The following DGKB variants were observed in gnomAD, a reference collection of about 807,000 sequenced individuals.
The protein encoded by DGKB is diacylglycerol kinase beta.
A neutral mutation model predicts 114.3 loss-of-function variants in DGKB; 67 were observed. That is an observed-to-expected ratio of 0.59 (90% confidence interval 0.48 to 0.72). DGKB has a LOEUF of 0.72. Among genes scored for constraint, DGKB ranks in the 30% least tolerant of loss-of-function variants. The pLI, the probability that DGKB is intolerant of heterozygous loss-of-function variation, is 0.00. For missense variants in DGKB, 907 were observed against 975.2 expected (o/e 0.93, Z 0.93); for synonymous variants, 398 against 323.1 (o/e 1.23, Z -2.49).
chr7:14,574,615 C>A (rs987827195), intron 19 of DGKB, among the ~76,000 whole-genome samples: 1 of 152,132 alleles, frequency 6.6e-6, no homozygotes, highest in Admixed American at 6.5e-5. Context: ...TCAGCATATA[C>A]AACTGCCAAG....
intron 17 of DGKB, among the ~76,000 whole-genome samples, chr7:14,591,864 T>A (rs1300161256): frequency 2.0e-5 from 3 of 151,938 alleles, no homozygotes; most frequent in Non-Finnish European, 4.4e-5. Context: ...CACTTGTACC[T>A]AATTGTTATT....
chr7:14,566,597 T>G (rs906302605), intron 20 of DGKB, among the ~76,000 whole-genome samples: 11 of 152,306 alleles, frequency 7.2e-5, no homozygotes, highest in African/African-American at 2.6e-4. Flanking sequence ...TGATAATTAT[T>G]TAATTATTCA....
At chr7:14,181,217 A>G (rs950040572) in intron 23 of DGKB, among the ~76,000 whole-genome samples, 3 of 152,196 alleles carry the variant, frequency 2.0e-5, no homozygotes, top group African/African-American at 7.2e-5. Context: ...CATATGGTCG[A>G]CAAAGCTGAA....
chr7:14,912,666 G>C (rs1784055282), intron 1 of DGKB, among the ~76,000 whole-genome samples: 1 of 152,142 alleles, frequency 6.6e-6, no homozygotes, highest in African/African-American at 2.4e-5. Flanking sequence ...CAACAAAGTA[G>C]GACTAAGTGG....
chr7:14,244,483 C>T (rs1055485339), intron 23 of DGKB, among the ~76,000 whole-genome samples: 3 of 148,178 alleles, frequency 2.0e-5, no homozygotes, highest in Admixed American at 6.8e-5. Flanking sequence ...GGTGAAACCC[C>T]GTCTCTACTA....
intron 13 of DGKB, among the ~76,000 whole-genome samples, chr7:14,640,632 T>C (rs1460350919): frequency 2.0e-5 from 3 of 152,142 alleles, no homozygotes; most frequent in South Asian, 2.1e-4. Flanking sequence ...TGGGTTGAAC[T>C]AGGGAACAAA....
At chr7:14,888,025 A>G (rs989247404) in intron 1 of DGKB, among the ~76,000 whole-genome samples, 3 of 151,760 alleles carry the variant, frequency 2.0e-5, no homozygotes, top group Admixed American at 6.6e-5. Context: ...GGCTGCTTGA[A>G]TAAGTAGAAA....
At chr7:14,848,211 G>A (rs1168781503) in intron 1 of DGKB, among the ~76,000 whole-genome samples, 1 of 152,140 alleles carries the variant, frequency 6.6e-6, no homozygotes, top group African/African-American at 2.4e-5. Context: ...AAAGATCAAG[G>A]TTGAAAACTG....
intron 20 of DGKB, among the ~76,000 whole-genome samples, chr7:14,552,579 C>A (rs929245920): frequency 2.0e-5 from 3 of 152,130 alleles, no homozygotes; most frequent in Admixed American, 2.0e-4. Flanking sequence ...GCACATGTTG[C>A]TTGGATAAGG....
chr7:14,761,306 T>G (rs1008109282), intron 2 of DGKB, among the ~76,000 whole-genome samples: 7 of 152,176 alleles, frequency 4.6e-5, no homozygotes, highest in African/African-American at 1.7e-4. Context: ...TCCATAACCT[T>G]TCAACAGCAT....
At chr7:14,936,915 C>T (rs1279228831) in intron 1 of DGKB, among the ~76,000 whole-genome samples, 2 of 151,654 alleles carry the variant, frequency 1.3e-5, no homozygotes, top group African/African-American at 4.8e-5. Context: ...CAGGGTGGTC[C>T]CTGCCCCGTC....
intron 23 of DGKB, among the ~76,000 whole-genome samples, chr7:14,316,535 A>G (rs2128520253): frequency 7.6e-6 from 1 of 131,044 alleles, no homozygotes; most frequent in East Asian, 2.2e-4. Flanking sequence ...AAAATCTAGA[A>G]GAAATGGATA....
At chr7:14,478,557 T>A (rs966052401) in intron 20 of DGKB, among the ~76,000 whole-genome samples, 1 of 152,040 alleles carries the variant, frequency 6.6e-6, no homozygotes, top group Non-Finnish European at 1.5e-5. Flanking sequence ...CACATATGAG[T>A]GTAAATGTCA....
chr7:14,191,681 G>A (rs1181760120), intron 23 of DGKB: 1 of 324,888 alleles, frequency 3.1e-6, no homozygotes, highest in Non-Finnish European at 6.3e-6. Context: ...TCTTCTGGGG[G>A]ACAAAGGGGG....
At chr7:14,930,213 T>G (rs765580989) in intron 1 of DGKB, among the ~76,000 whole-genome samples, 7 of 152,190 alleles carry the variant, frequency 4.6e-5, no homozygotes, top group Non-Finnish European at 1.0e-4. Flanking sequence ...TGGGTCTTTT[T>G]GGTTCCATAT....
intron 21 of DGKB, among the ~76,000 whole-genome samples, chr7:14,390,800 AG>A (rs1821194960): frequency 1.3e-5 from 2 of 152,348 alleles, no homozygotes; most frequent in African/African-American, 2.4e-5. Flanking sequence ...GAATTAATAA[AG>A]GGAAATATAA....
At chr7:14,187,997 A>G (rs1783699268) in intron 23 of DGKB, among the ~76,000 whole-genome samples, 1 of 152,306 alleles carries the variant, frequency 6.6e-6, no homozygotes, top group South Asian at 2.1e-4. Context: ...ACAAAGATGT[A>G]TATAAAATAA....
At chr7:14,798,426 G>A (rs1370757703) in intron 2 of DGKB, among the ~76,000 whole-genome samples, 1 of 149,614 alleles carries the variant, frequency 6.7e-6, no homozygotes, top group East Asian at 2.0e-4. Flanking sequence ...ACCACAAGAT[G>A]AGTATAAAAG....
chr7:14,314,092 TAACA>T (rs1390987909), intron 23 of DGKB, among the ~76,000 whole-genome samples: 1 of 152,014 alleles, frequency 6.6e-6, no homozygotes, highest in Non-Finnish European at 1.5e-5. Context: ...GAAGGAAAAC[TAACA>T]AACAGAAAGG....
Sources: gnomAD v4.1 joint callset for allele counts (sites outside exome capture counted in the v4.1 genomes callset) on GRCh38, gnomAD v4.1.1 for gene constraint, MANE v1.5 for transcripts, NCBI Gene and HGNC (gene_info 2026-07-23, HGNC 2026-07-21) for gene names.